FBN3: variants seen among roughly 807,000 people sequenced by gnomAD.
The protein encoded by FBN3 is fibrillin-3.
A neutral mutation model predicts 330.1 loss-of-function variants in FBN3; 234 were observed. The observed-to-expected ratio is 0.71, with a 90% CI of 0.64 to 0.79. The LOEUF is 0.79. FBN3 is among the 30% of genes least tolerant of loss of function. The probability of loss-of-function intolerance (pLI) is 0.00; values close to 1 mark genes in which losing one functional copy is unlikely to be tolerated. For missense variants in FBN3, 3,606 were observed against 3,886.9 expected (o/e 0.93, Z 1.92); for synonymous variants, 1,458 against 1,517.3 (o/e 0.96, Z 0.91).
In FBN3 at chr19:8,102,757, T is replaced by C. The variant is rs746967870; in HGVS notation, c.5056A>G (p.Arg1686Gly). The C allele has an allele frequency of 2.5e-6, 4 of 1,613,932 alleles. No individual in the cohort carries two copies. Among genetic ancestry groups the C allele is most frequent in the Non-Finnish European group, 3.4e-6 (4 of 1,180,034 alleles). ...GGAGTGGGGCAGGCCTCACAGGGTC[T>C]ATTCCAGGCCTGGCCAATGTTGTAG... Reference protein sequence around the residue: ...CSYNIGQAWNRPCEACPTPIS... With the variant: ...CSYNIGQAWNGPCEACPTPIS... The change falls in exon 40 of 64, where the codon AGA (arginine) becomes GGA (glycine). Residue 1686 changes from arginine (R) to glycine (G), a missense_variant. Coordinates refer to ENST00000600128, the MANE Select transcript of FBN3 (RefSeq NM_032447.5).
In FBN3 at chr19:8,147,516, G is replaced by A; in HGVS notation, c.-17-19C>T. The A allele has an allele frequency of 2.1e-6, 3 of 1,434,422 alleles. No individual in the cohort carries two copies. Among genetic ancestry groups the A allele is most frequent in the Non-Finnish European group, 2.7e-6 (3 of 1,092,004 alleles). The allele number at this position is 1,434,422 out of a possible 1,614,324, so 88.9% of individuals were successfully genotyped here. On this transcript the variant is annotated intron_variant, in intron 1 of 63. Transcript: ENST00000600128. ...CTGGAGGCTGCGGAGAGGAAGCAGA[G>A]TCAGCCCTAGATGAGCCCCCCACCC...
rs1374643775 is a variant in FBN3, at chr19:8,096,603, T to C, written c.5414-34A>G. On this transcript the variant is annotated intron_variant, in intron 43 of 63. Coordinates refer to ENST00000600128, the MANE Select transcript of FBN3 (RefSeq NM_032447.5). The surrounding 1 kb of genome is among the most constrained non-coding windows in gnomAD (Gnocchi z 4.6). Reference sequence around the variant, plus strand: ...GCAGAGAGCATGGTGTTCCCAGGGCTCCTACCACAGTGTTTGCCTGAGCTC... The same window carrying C: ...GCAGAGAGCATGGTGTTCCCAGGGCCCCTACCACAGTGTTTGCCTGAGCTC... 6.3e-7 allele frequency: 1 copy of C among 1,581,838 alleles called. No homozygotes were observed.
At chr19:8,089,202 TG>T (rs1410717960) in intron 51 of FBN3, among the ~76,000 whole-genome samples, 1 of 151,566 alleles carries the variant, frequency 6.6e-6, no homozygotes, top group East Asian at 1.9e-4. Context: ...AATGAGTGAG[TG>T]AATTGGTAAG....
intron 34 of FBN3, among the ~76,000 whole-genome samples, chr19:8,110,560 T>A (rs1214163418): frequency 1.3e-5 from 2 of 152,318 alleles, no homozygotes; most frequent in African/African-American, 4.8e-5. Context: ...CTGTGTGGCC[T>A]GCAAAGCCAA....
chr19:8,122,741 T>TGCAA (rs2082881950), intron 24 of FBN3, among the ~76,000 whole-genome samples: 1 of 150,578 alleles, frequency 6.6e-6, no homozygotes, highest in South Asian at 2.1e-4. Flanking sequence ...CTCAGCTCAC[T>TGCAA]GCAAGCTCTG....
At chr19:8,113,228 CGA>C (rs2082629986) in intron 30 of FBN3, among the ~76,000 whole-genome samples, 1 of 152,132 alleles carries the variant, frequency 6.6e-6, no homozygotes, top group Non-Finnish European at 1.5e-5. Context: ...GAGTTTGAGA[CGA>C]GGTTGGGCAA....
rs775301294 is a variant in FBN3, at chr19:8,131,583, G to C, written c.1961C>G (p.Pro654Arg). The C allele has an allele frequency of 1.9e-6, 3 of 1,611,718 alleles. No homozygotes were observed. Among genetic ancestry groups the C allele is most frequent in the Non-Finnish European group, 2.5e-6 (3 of 1,178,262 alleles). Residue 654 changes from proline to arginine, a missense_variant, in exon 15 of 64, where the codon CCC becomes CGC. Pro to Arg is a moderately radical substitution (Grantham distance 103). Coordinates refer to ENST00000600128, the MANE Select transcript of FBN3 (RefSeq NM_032447.5). This position sits in a 1 kb window ranked among gnomAD's most constrained non-coding sequence, Gnocchi z 4.5. ...GTCTTTGGCAGGACAAAGCTGGCAG[G>C]GCTCCCCAAAACCGTGGTCCGGATT... is the stretch of plus-strand genomic sequence containing the variant. Reference protein sequence around the residue: ...CANPDHGFGEPCQLCPAKDSA... With the variant: ...CANPDHGFGERCQLCPAKDSA...
chr19:8,144,457 C>T (rs968160198), intron 6 of FBN3, among the ~76,000 whole-genome samples: 1 of 151,928 alleles, frequency 6.6e-6, no homozygotes, highest in Non-Finnish European at 1.5e-5. Context: ...AAGTCCAGTC[C>T]ACCCTACCAG....
intron 41 of FBN3, among the ~76,000 whole-genome samples, chr19:8,100,396 G>A (rs1454973237): frequency 6.6e-6 from 1 of 152,028 alleles, no homozygotes; most frequent in African/African-American, 2.4e-5. Flanking sequence ...GGAGTGCAAT[G>A]GCGAGATATC....
intron 63 of FBN3, among the ~76,000 whole-genome samples, chr19:8,068,666 C>T (rs2081444639): frequency 6.6e-6 from 1 of 151,972 alleles, no homozygotes; most frequent in Non-Finnish European, 1.5e-5. Context: ...TGCGCCACTG[C>T]ATTCCAGCCT....
rs1354067374 is a variant in FBN3, at chr19:8,121,338, C to T, written c.3131G>A (p.Cys1044Tyr). The T allele has an allele frequency of 6.2e-7, 1 of 1,613,578 alleles. No homozygotes were observed. Among genetic ancestry groups the T allele is most frequent in the South Asian group, 1.1e-5 (1 of 91,002 alleles). Residue 1044 changes from cysteine (C) to tyrosine (Y), a missense_variant, in exon 25 of 64, where the codon TGT becomes TAT. Transcript: ENST00000600128. The surrounding 1 kb of genome is among the most constrained non-coding windows in gnomAD (Gnocchi z 4.5). ...ISPDLCGQGT[C>Y]VNTPGSFECE... Reference sequence around the variant, plus strand: ...CTCAAAGCTGCCCGGCGTGTTGACACAGGTGCCCTGGCCGCAGAGGTCAGG... The same window carrying T: ...CTCAAAGCTGCCCGGCGTGTTGACATAGGTGCCCTGGCCGCAGAGGTCAGG...
At chr19:8,099,325 G>T (rs1170916269) in intron 41 of FBN3, among the ~76,000 whole-genome samples, 3 of 125,874 alleles carry the variant, frequency 2.4e-5, no homozygotes, top group Non-Finnish European at 4.7e-5. Flanking sequence ...CTGTCGCCCA[G>T]GCTAGAGTAC....
rs1378346035 is a variant in FBN3, at chr19:8,138,191, C to A, written c.1151G>T (p.Gly384Val). 1.9e-6 allele frequency: 3 copies of A among 1,613,192 alleles called. No individual in the cohort carries two copies. The highest frequency in any genetic ancestry group is 1.7e-6 in the Non-Finnish European group (2 of 1,179,780). ...PLGPARLNPH[G>V]SDARGIPSLG... is the part of the protein sequence containing the mutation. ...GCTGGGGATCCCACGCGCATCAGAG[C>A]CATGGGGGTTGAGTCGCGCTGGCCC... The change falls in exon 10 of 64, where the codon GGC becomes GTC. Residue 384 changes from glycine to valine, a missense_variant. Coordinates refer to ENST00000600128, the MANE Select transcript of FBN3 (RefSeq NM_032447.5).
Position 8,131,704 on chromosome 19 carries a change from T to TGTCCACGCACACGCGGCC in FBN3, c.1822_1839dup (p.Gly608_Asp613dup), listed in dbSNP as rs1161131268. The TGTCCACGCACACGCGGCC allele has an allele frequency of 6.2e-7, 1 of 1,613,998 alleles. No individual in the cohort carries two copies. The highest frequency in any genetic ancestry group is 1.1e-5 in the South Asian group (1 of 91,070). ...CCATAGCAGGTGCTGCGCACGTGGG[T>TGTCCACGCACACGCGGCC]GTCCACGCACACGCGGCCATCCGTG... On this transcript the variant is annotated inframe_insertion, in exon 15 of 64. Transcript: ENST00000600128. This position sits in a 1 kb window ranked among gnomAD's most constrained non-coding sequence, Gnocchi z 4.5.
intron 42 of FBN3, 41 bp from the exon 43 acceptor site, chr19:8,097,047 C>G: frequency 6.3e-7 from 1 of 1,598,270 alleles, no homozygotes; most frequent in Non-Finnish European, 8.5e-7. Flanking sequence ...GACAGAGAAG[C>G]CCATCCTGAC....
rs1479111964 is a variant in FBN3, at chr19:8,145,926, C to T, written c.362G>A (p.Ser121Asn). Residue 121 changes from serine (S) to asparagine (N), a missense_variant, in exon 5 of 64, where the codon AGT becomes AAT. Coordinates refer to ENST00000600128, the MANE Select transcript of FBN3 (RefSeq NM_032447.5). ...SCGVSRGSGCSVSCMNGGTCR... is the reference protein window; with the variant it reads ...SCGVSRGSGCNVSCMNGGTCR... Reference sequence around the variant, plus strand: ...GGTGCCCCCATTCATACAGCTCACACTGCACCCTGACCCTGGGGACAGGAA... The same window carrying T: ...GGTGCCCCCATTCATACAGCTCACATTGCACCCTGACCCTGGGGACAGGAA... 1 of 1,551,272 alleles carries T rather than the reference C, an allele frequency of 6.4e-7. No homozygotes were observed. The highest frequency in any genetic ancestry group is 2.0e-5 in the Admixed American group (1 of 51,006).
intron 62 of FBN3, among the ~76,000 whole-genome samples, 186 bp downstream of exon 62, chr19:8,072,877 T>A (rs2081548444): frequency 6.6e-6 from 1 of 151,992 alleles, no homozygotes; most frequent in South Asian, 2.1e-4. Context: ...TACCTCTGCG[T>A]GTCCAGGACT....
Position 8,115,514 on chromosome 19 carries a change from C to G in FBN3, c.3838+1G>C, listed in dbSNP as rs1196423309. The G allele has an allele frequency of 1.9e-6, 3 of 1,613,572 alleles. No homozygotes were observed. The highest frequency in any genetic ancestry group is 2.5e-6 in the Non-Finnish European group (3 of 1,179,982). On this transcript the variant is annotated splice_donor_variant, in intron 30 of 63. Transcript: ENST00000600128. LOFTEE classifies it high-confidence loss of function. ...GCCTGCACCGCTGACCGCCGGCTCA[C>G]CAGAGCAGCCTGTGGCCCCCTTCCT... is the stretch of plus-strand genomic sequence containing the variant.
Position 8,131,746 on chromosome 19 carries a change from C to G in FBN3, c.1798G>C (p.Gly600Arg). The G allele has an allele frequency of 1.9e-6, 3 of 1,613,630 alleles. No homozygotes were observed. Among genetic ancestry groups the G allele is most frequent in the East Asian group, 2.2e-5 (1 of 44,860 alleles). ...CCATCCGTGCCTACCGCCAGCCCCC[C>G]CAGGCACTGGCAGCGGAAGGAGCCC... ...TEGSFRCQCL[G>R]GLAVGTDGRV... Residue 600 changes from glycine to arginine, a missense_variant, in exon 15 of 64, where the codon GGG (glycine) becomes CGG (arginine). Coordinates refer to ENST00000600128, the MANE Select transcript of FBN3 (RefSeq NM_032447.5). The surrounding 1 kb of genome is among the most constrained non-coding windows in gnomAD (Gnocchi z 4.5).
Sources: allele counts gnomAD v4.1 joint callset (sites outside exome capture counted in the v4.1 genomes callset), GRCh38; gene constraint gnomAD v4.1.1; non-coding constraint Gnocchi (gnomAD v3.1); transcripts MANE v1.5; gene names NCBI Gene and HGNC (gene_info 2026-07-23, HGNC 2026-07-21).